PCDH10: variants seen among roughly 807,000 people sequenced by gnomAD.
PCDH10 encodes the protein protocadherin-10.
In PCDH10, 15 loss-of-function variants were observed where a neutral mutation model predicts 74.4. The observed-to-expected ratio is 0.20, with a 90% confidence interval of 0.13 to 0.31. The LOEUF is 0.31. Among genes scored for constraint, PCDH10 ranks in the 10% least tolerant of loss-of-function variants. The probability of loss-of-function intolerance (pLI) is 1.00; values close to 1 mark genes in which losing one functional copy is unlikely to be tolerated. For synonymous variants in PCDH10, 619 were observed against 589.8 expected, an observed-to-expected ratio of 1.05 and a Z score of -0.72; for missense variants, 1,260 against 1,390.2, an observed-to-expected ratio of 0.91 and a Z score of 1.49.
At chr4:133,181,992 A>G (rs1326581010) in intron 4 of PCDH10, among the ~76,000 whole-genome samples, 1 of 152,126 alleles carries the variant, frequency 6.6e-6, no homozygotes, top group Non-Finnish European at 1.5e-5. Context: ...ATTGATGGTT[A>G]ATACATTAGC....
intron 3 of PCDH10, among the ~76,000 whole-genome samples, chr4:133,158,869 G>C (rs534136860): frequency 6.6e-6 from 1 of 152,046 alleles, no homozygotes; most frequent in Non-Finnish European, 1.5e-5. Context: ...AGGCAATATA[G>C]AAGATGAAAT....
intron 4 of PCDH10, among the ~76,000 whole-genome samples, chr4:133,185,299 TGA>T (rs903199702): frequency 3.2e-4 from 48 of 151,652 alleles, no homozygotes; most frequent in African/African-American, 1.2e-3. Context: ...AAAGCAAATA[TGA>T]GTGTTCAAAT....
rs138448313 is a variant in PCDH10 at position 133,193,046 on chromosome 4, T to C, written c.*2886T>C. 1.3e-5 allele frequency: 2 copies of C among 151,476 alleles called. No individual in the cohort carries two copies. Among genetic ancestry groups the C allele is most frequent in the African/African-American group, 4.8e-5 (2 of 41,306 alleles). 9.4% of individuals were successfully genotyped at this position (151,476 alleles called of 1,614,324 possible). On this transcript the variant is annotated 3_prime_UTR_variant, in exon 5 of 5. Transcript: ENST00000264360. ...AAAAAAAAATCATGTCATTTACTCC[T>C]TGTTAACATGGTTAGTTTTAGAGCA...
chr4:133,199,133 A>T (rs1012852633), downstream of PCDH10, among the ~76,000 whole-genome samples: 11 of 151,540 alleles, frequency 7.3e-5, no homozygotes, highest in Admixed American at 2.0e-4. Context: ...AAAATTTTTA[A>T]AAAATTTAGC....
At chr4:133,180,534 A>T (rs1298648114) in intron 4 of PCDH10, among the ~76,000 whole-genome samples, 3 of 151,990 alleles carry the variant, frequency 2.0e-5, no homozygotes, top group Non-Finnish European at 4.4e-5. Flanking sequence ...TTACGAGAAC[A>T]TTATTATGAG....
At chr4:133,164,755 A>G (rs530693547) in intron 4 of PCDH10, among the ~76,000 whole-genome samples, 8 of 151,428 alleles carry the variant, frequency 5.3e-5, no homozygotes, top group African/African-American at 1.9e-4. Flanking sequence ...AACAATTTTT[A>G]TTATTAAAAT....
intron 4 of PCDH10, among the ~76,000 whole-genome samples, chr4:133,174,656 A>C (rs886070456): frequency 6.6e-6 from 1 of 151,286 alleles, no homozygotes; most frequent in Non-Finnish European, 1.5e-5. Context: ...ACGTAATTTT[A>C]TATAGGCAAA....
At chr4:133,159,599 T>A (rs1726925261) in intron 3 of PCDH10, among the ~76,000 whole-genome samples, 1 of 151,948 alleles carries the variant, frequency 6.6e-6, no homozygotes, top group Non-Finnish European at 1.5e-5. Flanking sequence ...TTTACATTAT[T>A]CAGGTGATGG....
chr4:133,153,226 T>C (rs765963705), intron 1 of PCDH10: 1 of 1,046,648 alleles, frequency 9.6e-7, no homozygotes, highest in Admixed American at 5.0e-5. Flanking sequence ...CGTGTACAAG[T>C]AAGCTATAGA....
intron 4 of PCDH10, among the ~76,000 whole-genome samples, chr4:133,168,770 A>T (rs1727139823): frequency 6.6e-6 from 1 of 151,724 alleles, no homozygotes; most frequent in Non-Finnish European, 1.5e-5. Flanking sequence ...GGGCATTTTT[A>T]AAGTATGCAA....
intron 4 of PCDH10, among the ~76,000 whole-genome samples, chr4:133,179,261 T>A (rs1427950218): frequency 6.6e-6 from 1 of 152,150 alleles, no homozygotes; most frequent in Non-Finnish European, 1.5e-5. Context: ...CAATGAGGAC[T>A]CCTCTCTTTT....
At chr4:133,200,168 CTAATA>C (rs1361098070) in intron 2 of PCDH10, among the ~76,000 whole-genome samples, 1 of 151,876 alleles carries the variant, frequency 6.6e-6, no homozygotes. Context: ...CTAATGGTTA[CTAATA>C]TTATTTAAAT....
intron 4 of PCDH10, among the ~76,000 whole-genome samples, 156 bp downstream of exon 4, chr4:133,163,438 T>C (rs1295759056): frequency 6.6e-6 from 1 of 152,160 alleles, no homozygotes; most frequent in Non-Finnish European, 1.5e-5. Context: ...ATATTCTTTA[T>C]TTAAAATAAT....
intron 4 of PCDH10, among the ~76,000 whole-genome samples, chr4:133,181,522 C>T (rs767869270): frequency 2.7e-4 from 41 of 151,982 alleles, no homozygotes; most frequent in Non-Finnish European, 4.4e-4. Context: ...TTCTATGGGA[C>T]GTACAGCTAC....
At chr4:133,161,066 A>AC (rs1726959822) in intron 3 of PCDH10, among the ~76,000 whole-genome samples, 1 of 151,968 alleles carries the variant, frequency 6.6e-6, no homozygotes, top group Admixed American at 6.6e-5. Flanking sequence ...CAAAATTAGG[A>AC]TAAAGGAGTG....
At chr4:133,199,442 A>C (rs1379518412), downstream of PCDH10, among the ~76,000 whole-genome samples, 1 of 151,294 alleles carries the variant, frequency 6.6e-6, no homozygotes, top group East Asian at 1.9e-4. Flanking sequence ...ATTGACTTAG[A>C]ATGGACTGGT....
rs141965490 is a variant in PCDH10 at position 133,149,787 on chromosome 4, G to T, written c.-354G>T. 6 of 180,386 alleles carry T rather than the reference G, an allele frequency of 3.3e-5. No homozygotes were observed. Among genetic ancestry groups the T allele is most frequent in the African/African-American group, 1.4e-4 (6 of 42,448 alleles). The allele number at this position is 180,386 out of a possible 1,614,324, so 11.2% of individuals were successfully genotyped here. ...AAGAAGACAAACCGAGGACAGTCTT[G>T]AAATATCGAAATTTCCTCTTTGGGA... On this transcript the variant is annotated 5_prime_UTR_variant, in exon 1 of 5. Coordinates refer to ENST00000264360, the MANE Select transcript of PCDH10 (RefSeq NM_032961.3).
chr4:133,159,036 G>A (rs991132746), intron 3 of PCDH10, among the ~76,000 whole-genome samples: 3 of 151,954 alleles, frequency 2.0e-5, no homozygotes, highest in Admixed American at 6.6e-5. Context: ...AATTTTTGTG[G>A]TTACAATTAA....
intron 4 of PCDH10, among the ~76,000 whole-genome samples, chr4:133,177,601 T>G (rs1727321314): frequency 6.6e-6 from 1 of 152,180 alleles, no homozygotes; most frequent in Non-Finnish European, 1.5e-5. Context: ...TTTATGTTTA[T>G]TCCTCATATG....
Sources: allele counts gnomAD v4.1 joint callset (sites outside exome capture counted in the v4.1 genomes callset), GRCh38; gene constraint gnomAD v4.1.1; transcripts MANE v1.5; gene names NCBI Gene and HGNC (gene_info 2026-07-23, HGNC 2026-07-21).